The following SNX18 variants were observed in gnomAD, a reference collection of about 807,000 sequenced individuals.
SNX18 encodes sorting nexin 18.
SNX18 carries 35 observed loss-of-function variants against 48.7 expected under a neutral mutation model. The ratio of observed to expected loss-of-function variants is 0.72; its 90% confidence interval spans 0.55 to 0.95. The LOEUF (loss-of-function observed/expected upper bound fraction) is 0.95, where lower values mean the gene tolerates loss of function less well. Ranked by LOEUF, SNX18 falls within the 40% of genes least tolerant of loss-of-function variation. The pLI is 0.00. For synonymous variants in SNX18, 492 were observed against 384.7 expected, an observed-to-expected ratio of 1.28 and a Z score of -3.26; for missense variants, 824 against 871.0, an observed-to-expected ratio of 0.95 and a Z score of 0.68.
the SNX18 span, among the ~76,000 whole-genome samples, chr5:54,586,411 A>G: frequency 4.0e-5 from 6 of 151,722 alleles, no homozygotes; most frequent in African/African-American, 1.2e-4. Flanking sequence ...TTCTGCTGCT[A>G]TAAGAGAATA....
the SNX18 span, among the ~76,000 whole-genome samples, chr5:54,568,513 ACTGC>A: frequency 4.3e-3 from 660 of 152,106 alleles, 5 homozygotes; most frequent in African/African-American, 0.015. Flanking sequence ...CCTTCCCCAG[ACTGC>A]TGCAAAACCA....
chr5:54,521,564 G>C (rs1250221498), intron 1 of SNX18, among the ~76,000 whole-genome samples: 1 of 151,632 alleles, frequency 6.6e-6, no homozygotes, highest in Admixed American at 6.6e-5. Context: ...AGCGTGGCAT[G>C]GTGGCTCATA....
At chr5:54,609,667 G>A in the SNX18 span, among the ~76,000 whole-genome samples, 2 of 152,018 alleles carry the variant, frequency 1.3e-5, no homozygotes, top group East Asian at 1.9e-4. Flanking sequence ...AAAATGCCAA[G>A]GATTTGGCTA....
At chr5:54,590,360 A>G in the SNX18 span, among the ~76,000 whole-genome samples, 1 of 152,202 alleles carries the variant, frequency 6.6e-6, no homozygotes, top group Admixed American at 6.5e-5. Flanking sequence ...GAAATAGTTG[A>G]GAATCCTACT....
At chr5:54,603,245 TA>T in the SNX18 span, among the ~76,000 whole-genome samples, 55 of 149,810 alleles carry the variant, frequency 3.7e-4, no homozygotes, top group East Asian at 3.5e-3. Context: ...TATATATATA[TA>T]TATATTTTTT....
At position 54,518,469 on chromosome 5, in the gene SNX18, A is replaced by G. The variant is rs1238349353; in HGVS notation, c.517A>G (p.Ser173Gly). The G allele has an allele frequency of 1.3e-6, 2 of 1,570,926 alleles. No homozygotes were observed. The highest frequency in any genetic ancestry group is 2.7e-5 in the African/African-American group (2 of 73,736). The change falls in exon 1 of 2, where the codon AGC becomes GGC. Residue 173 changes from serine to glycine, a missense_variant. Physicochemically the swap from Ser to Gly is moderately conservative, Grantham distance 56. Transcript: ENST00000381410. ...TVADEPGALG[S>G]GAYPDLDGSS... ...GGCGGACGAGCCGGGCGCTCTGGGC[A>G]GCGGAGCATACCCGGACCTCGACGG...
At chr5:54,618,243 T>C in the SNX18 span, among the ~76,000 whole-genome samples, 1 of 152,362 alleles carries the variant, frequency 6.6e-6, no homozygotes, top group Non-Finnish European at 1.5e-5. Context: ...TCTGCTATGA[T>C]TGTAAGTTTC....
rs761831451 is a variant in SNX18, at chr5:54,519,525, T to C, written c.1573T>C (p.Tyr525His). 2 of 1,614,138 alleles carry C rather than the reference T, an allele frequency of 1.2e-6. No homozygotes were observed. The highest frequency in any genetic ancestry group is 1.7e-6 in the Non-Finnish European group (2 of 1,180,012). Residue 525 changes from tyrosine (Y) to histidine (H), a missense_variant, in exon 1 of 2, where the codon TAT (tyrosine) becomes CAT (histidine). This residue lies in a region of SNX18 where 443 missense variants were observed against 503.6 expected (regional missense o/e 0.88). Transcript: ENST00000381410. ...TCCCGTCATGGACCTATTAGCGCTG[T>C]ATCAGGGGCATCTGGCTAACTTCCC... ...LDPVMDLLAL[Y>H]QGHLANFPDI...
the SNX18 span, among the ~76,000 whole-genome samples, chr5:54,555,576 T>C: frequency 6.6e-6 from 1 of 152,082 alleles, no homozygotes; most frequent in Non-Finnish European, 1.5e-5. Context: ...GGTTCATGCC[T>C]GTAATCCCAG....
rs1284068206 is a variant in SNX18 at position 54,519,944 on chromosome 5, C to CTGT, written c.1621+372_1621+374dup. ...GTTAGGTATCTGTTTGAACACTGCA[C>CTGT]TGTCACTTAGTGGTGAGTTTCAAAA... On this transcript the variant is annotated intron_variant, in intron 1 of 1. Transcript: ENST00000381410. 4 of 907,782 alleles carry CTGT rather than the reference C, an allele frequency of 4.4e-6. No homozygotes were observed. The East Asian group carries it at 7.8e-5, about 18-fold the overall frequency. 56.2% of individuals were successfully genotyped at this position (907,782 alleles called of 1,614,324 possible). A position where few individuals can be genotyped will look rare whatever the true frequency, so the allele number is the denominator to read the frequency against.
chr5:54,627,678 G>A, the SNX18 span, among the ~76,000 whole-genome samples: 1 of 152,186 alleles, frequency 6.6e-6, no homozygotes, highest in South Asian at 2.1e-4. Context: ...CACGTGGGGG[G>A]ACCAGTGGCA....
the SNX18 span, among the ~76,000 whole-genome samples, chr5:54,586,296 C>T: frequency 6.6e-6 from 1 of 152,138 alleles, no homozygotes; most frequent in East Asian, 1.9e-4. Context: ...CTCTAGCCAC[C>T]AAGTCCTTCA....
intron 1 of SNX18, among the ~76,000 whole-genome samples, chr5:54,534,929 T>C (rs75427736): frequency 0.02 from 3,098 of 152,292 alleles, 113 homozygotes; most frequent in African/African-American, 0.069. Context: ...ATCCTAAGTG[T>C]TAGCGTTTAC....
rs774396696 is a variant in SNX18 at position 54,543,188 on chromosome 5, C to G, written c.1631C>G (p.Thr544Ser). The G allele has an allele frequency of 6.2e-7, 1 of 1,613,010 alleles. No individual in the cohort carries two copies. Among genetic ancestry groups the G allele is most frequent in the Non-Finnish European group, 8.5e-7 (1 of 1,179,540 alleles). ...DIIHVQKGAL[T>S]KVKESRRHVE... ...TTATTTTTAACTACAGGAGCTCTTA[C>G]CAAAGTCAAGGAGAGTAGGCGACAC... The change falls in exon 2 of 2, where the codon ACC becomes AGC. Residue 544 changes from threonine to serine, a missense_variant. This residue lies in a region of SNX18 where 443 missense variants were observed against 503.6 expected (regional missense o/e 0.88). Coordinates refer to ENST00000381410, the MANE Select transcript of SNX18 (RefSeq NM_001102575.2).
At chr5:54,536,515 T>C (rs914807636) in intron 1 of SNX18, among the ~76,000 whole-genome samples, 4 of 152,142 alleles carry the variant, frequency 2.6e-5, no homozygotes, top group Non-Finnish European at 5.9e-5. Context: ...TTGCTCAGAA[T>C]GATGGTTTCC....
At chr5:54,626,831 T>C in the SNX18 span, among the ~76,000 whole-genome samples, 4 of 152,106 alleles carry the variant, frequency 2.6e-5, no homozygotes, top group African/African-American at 9.7e-5. Context: ...CAAACTACAG[T>C]GGGAGGTTGT....
At chr5:54,623,261 G>C in the SNX18 span, among the ~76,000 whole-genome samples, 1 of 152,180 alleles carries the variant, frequency 6.6e-6, no homozygotes, top group Admixed American at 6.5e-5. Context: ...CATGAGAAGA[G>C]AGTTCAATTA....
the SNX18 span, among the ~76,000 whole-genome samples, chr5:54,627,812 G>C: frequency 6.6e-6 from 1 of 152,128 alleles, no homozygotes; most frequent in African/African-American, 2.4e-5. Context: ...CCTCTATAAG[G>C]GTGCCCTGCC....
At chr5:54,561,145 C>T in the SNX18 span, among the ~76,000 whole-genome samples, 4 of 152,146 alleles carry the variant, frequency 2.6e-5, no homozygotes, top group African/African-American at 9.7e-5. Flanking sequence ...TGGGTTTAAG[C>T]GATTCTCCTG....
Sources: gnomAD v4.1 joint callset for allele counts (sites outside exome capture counted in the v4.1 genomes callset) on GRCh38, gnomAD v4.1.1 for gene constraint, gnomAD v4.1.1 regional missense constraint, MANE v1.5 for transcripts, NCBI Gene and HGNC (gene_info 2026-07-23, HGNC 2026-07-21) for gene names.